SCMH1: variants seen among roughly 807,000 people sequenced by gnomAD.
SCMH1 encodes the protein Scm polycomb group protein homolog 1.
SCMH1 carries 37 observed loss-of-function variants against 70.8 expected under a neutral mutation model. The ratio of observed to expected loss-of-function variants is 0.52; its 90% CI spans 0.40 to 0.69. The LOEUF is 0.69. SCMH1 is among the 30% of genes least tolerant of loss of function. The pLI is 0.00. For missense variants in SCMH1, 607 were observed against 827.3 expected, an observed-to-expected ratio of 0.73 and a Z score of 3.27; for synonymous variants, 292 against 307.4, an observed-to-expected ratio of 0.95 and a Z score of 0.52.
intron 8 of SCMH1, among the ~76,000 whole-genome samples, chr1:41,097,931 C>T (rs1205298500): frequency 1.3e-5 from 2 of 152,162 alleles, no homozygotes; most frequent in Non-Finnish European, 2.9e-5. Context: ...AGTTTCTTGA[C>T]ATAGTCTCTG....
chr1:41,164,503 G>A lies in SCMH1; in HGVS notation c.14-3071C>T, dbSNP rs565975648. ...GGTAAGACCCTTCCACTTATTTCAC[G>A]ACGGTAGAGACTTGATCTTGTTTAG... On this transcript the variant is annotated intron_variant, in intron 2 of 14. Transcript: ENST00000337495. Among the ~76,000 whole-genome samples the A allele has an allele frequency of 9.7e-4, 147 of 152,222 alleles. 1 individual carries two copies. The highest frequency in any genetic ancestry group is 3.2e-3 in the African/African-American group (135 of 41,546).
At chr1:41,091,859 A>G (rs1421366610) in intron 8 of SCMH1, among the ~76,000 whole-genome samples, 5 of 152,190 alleles carry the variant, frequency 3.3e-5, no homozygotes, top group African/African-American at 1.2e-4. Flanking sequence ...CCACTGCTCA[A>G]TGAAATAAAA....
chr1:41,125,956 A>T (rs184377966), intron 6 of SCMH1, among the ~76,000 whole-genome samples: 1 of 152,300 alleles, frequency 6.6e-6, no homozygotes, highest in East Asian at 1.9e-4. Context: ...TGGAAAATAC[A>T]TATGTATATA....
At chr1:41,225,382 T>C (rs1660063178) in intron 1 of SCMH1, among the ~76,000 whole-genome samples, 1 of 152,230 alleles carries the variant, frequency 6.6e-6, no homozygotes, top group Non-Finnish European at 1.5e-5. Flanking sequence ...TCTATTTTTA[T>C]ATCTGAGATA....
At chr1:41,184,552 G>A (rs1649668966) in intron 2 of SCMH1, among the ~76,000 whole-genome samples, 1 of 152,096 alleles carries the variant, frequency 6.6e-6, no homozygotes, top group African/African-American at 2.4e-5. Context: ...AAAGACCCCT[G>A]TTCTAGCTTA....
rs1292062758 is a variant in SCMH1, at chr1:41,150,951, A to G, written c.177+663T>C. ...GACACCATCTCAAAAAAAAAAAAAA[A>G]AAAAAAGAAAACAGACAAAATTCAA... On this transcript the variant is annotated intron_variant, in intron 5 of 14. Transcript: ENST00000337495. Among the ~76,000 whole-genome samples, 5 of 151,620 alleles carry G rather than the reference A, an allele frequency of 3.3e-5. No homozygotes were observed. In the South Asian group the frequency reaches 8.3e-4, roughly 25 times the overall value.
At chr1:41,149,657 T>C (rs1644888069) in intron 5 of SCMH1, among the ~76,000 whole-genome samples, 1 of 152,224 alleles carries the variant, frequency 6.6e-6, no homozygotes, top group South Asian at 2.1e-4. Context: ...TTTGATCTTC[T>C]TGAGTTTTAC....
intron 2 of SCMH1, among the ~76,000 whole-genome samples, chr1:41,181,465 T>A (rs1030814037): frequency 6.6e-6 from 1 of 152,170 alleles, no homozygotes; most frequent in African/African-American, 2.4e-5. Flanking sequence ...AAAGGGTTAG[T>A]ATCCAGAATC....
intron 6 of SCMH1, among the ~76,000 whole-genome samples, chr1:41,121,863 G>C (rs919689184): frequency 6.6e-5 from 10 of 152,104 alleles, no homozygotes; most frequent in African/African-American, 2.4e-4. Context: ...CAGGTGCTCA[G>C]ACCTAAAAGA....
intron 2 of SCMH1, among the ~76,000 whole-genome samples, chr1:41,170,439 G>C (rs1646712092): frequency 1.3e-5 from 2 of 152,162 alleles, no homozygotes; most frequent in African/African-American, 4.8e-5. Flanking sequence ...CTTTCAACTA[G>C]TCTCTGACTT....
At chr1:41,125,276 C>T (rs1189360703) in intron 6 of SCMH1, among the ~76,000 whole-genome samples, 4 of 151,966 alleles carry the variant, frequency 2.6e-5, no homozygotes, top group African/African-American at 4.8e-5. Flanking sequence ...AATTCAGTGG[C>T]GAGATCTCCG....
intron 6 of SCMH1, among the ~76,000 whole-genome samples, chr1:41,139,592 A>G (rs1035239135): frequency 4.6e-5 from 7 of 152,208 alleles, no homozygotes; most frequent in African/African-American, 1.7e-4. Context: ...AAAGTAGTGC[A>G]AGAATAACAC....
intron 6 of SCMH1, among the ~76,000 whole-genome samples, chr1:41,127,529 G>T (rs577973586): frequency 1.3e-5 from 2 of 152,202 alleles, no homozygotes; most frequent in Admixed American, 1.3e-4. Flanking sequence ...GGATTCAATT[G>T]TATCTTTTCC....
intron 10 of SCMH1, among the ~76,000 whole-genome samples, chr1:41,058,995 T>A (rs1219737576): frequency 1.3e-5 from 2 of 152,176 alleles, no homozygotes; most frequent in African/African-American, 4.8e-5. Context: ...TGGGAGACCA[T>A]CGAAGAGTTT....
intron 1 of SCMH1, among the ~76,000 whole-genome samples, chr1:41,199,967 C>T (rs186123874): frequency 6.6e-6 from 1 of 152,178 alleles, no homozygotes. Context: ...AAGAAGAAGA[C>T]CATCCCTAGT....
chr1:41,133,995 G>A (rs2148114751), intron 6 of SCMH1, among the ~76,000 whole-genome samples: 1 of 152,204 alleles, frequency 6.6e-6, no homozygotes, highest in Middle Eastern at 3.4e-3. Context: ...CAGAATTTTA[G>A]ACCACTATCA....
chr1:41,141,185 T>A (rs543038821), intron 6 of SCMH1, among the ~76,000 whole-genome samples: 1 of 152,234 alleles, frequency 6.6e-6, no homozygotes, highest in Non-Finnish European at 1.5e-5. Flanking sequence ...ATTAGATTTT[T>A]CCATTTTGTA....
intron 4 of SCMH1, chr1:41,152,547 A>G: frequency 6.3e-7 from 1 of 1,585,202 alleles, no homozygotes; most frequent in African/African-American, 1.3e-5. Context: ...AAAGATTATC[A>G]AGTTCTTTAT....
At chr1:41,152,588 CT>C in intron 4 of SCMH1, 1 of 1,614,016 alleles carries the variant, frequency 6.2e-7, no homozygotes, top group Non-Finnish European at 8.5e-7. Flanking sequence ...CAGTCTCCCC[CT>C]AATACCCACC....
Sources: gnomAD v4.1 joint callset for allele counts (sites outside exome capture counted in the v4.1 genomes callset) on GRCh38, gnomAD v4.1.1 for gene constraint, MANE v1.5 for transcripts, NCBI Gene and HGNC (gene_info 2026-07-23, HGNC 2026-07-21) for gene names.